TBC1D9: variants seen among roughly 807,000 people sequenced by gnomAD.
The protein encoded by TBC1D9 is TBC1 domain family member 9.
Under a neutral mutation model 132.0 loss-of-function variants are expected in TBC1D9, and 63 were observed. The ratio of observed to expected loss-of-function variants is 0.48; its 90% CI spans 0.39 to 0.59. The LOEUF is 0.59. Ranked by LOEUF, TBC1D9 falls within the 20% of genes least tolerant of loss-of-function variation. TBC1D9 has a pLI of 0.00. For missense variants in TBC1D9, 1,261 were observed against 1,592.7 expected (o/e 0.79, Z 3.54); for synonymous variants, 610 against 609.9 (o/e 1.00, Z 0.00).
rs772908607 is a variant in TBC1D9, at chr4:140,657,721, G to A, written c.2013C>T (p.Ser671=). Reference sequence around the variant, plus strand: ...TGAGGAACCAAGACAGGGAGATGGTGGAAATCACGCCCAGGTCTTGCATGC... The same window carrying A: ...TGAGGAACCAAGACAGGGAGATGGTAGAAATCACGCCCAGGTCTTGCATGC... The part of the protein sequence containing the change: ...YDCMQDLGVI[S]TISLSWFLTL... Residue 671 remains serine (S), a synonymous_variant, in exon 12 of 21, where the codon TCC becomes TCT. Coordinates refer to ENST00000442267, the MANE Select transcript of TBC1D9 (RefSeq NM_015130.3). 1.2e-5 allele frequency: 19 copies of A among 1,614,020 alleles called. No individual in the cohort carries two copies. Among genetic ancestry groups the A allele is most frequent in the South Asian group, 2.2e-5 (2 of 91,078 alleles).
intron 18 of TBC1D9, 36 bp downstream of exon 18, chr4:140,627,405 A>G: frequency 7.3e-7 from 1 of 1,363,446 alleles, no homozygotes. Flanking sequence ...TCGGTAGAAA[A>G]CAAATATAGT....
chr4:140,631,085 CT>C (rs577474821), intron 16 of TBC1D9, among the ~76,000 whole-genome samples: 64 of 152,208 alleles, frequency 4.2e-4, no homozygotes, highest in Non-Finnish European at 8.1e-4. Context: ...ATACTTTCAC[CT>C]TTTCCATTGG....
chr4:140,637,242 C>T (rs550349510), intron 15 of TBC1D9, among the ~76,000 whole-genome samples: 15 of 151,980 alleles, frequency 9.9e-5, no homozygotes, highest in East Asian at 1.9e-4. Flanking sequence ...CCCAGCTACT[C>T]GGGAGCCTGA....
chr4:140,727,203 T>C (rs2111063730), intron 1 of TBC1D9, among the ~76,000 whole-genome samples: 1 of 152,346 alleles, frequency 6.6e-6, no homozygotes, highest in African/African-American at 2.4e-5. Context: ...AGTTACCATC[T>C]AATTATCTGT....
chr4:140,671,732 T>C (rs1021979248), intron 6 of TBC1D9, among the ~76,000 whole-genome samples: 11 of 136,848 alleles, frequency 8.0e-5, no homozygotes, highest in South Asian at 2.3e-4. Context: ...GCCTACCACA[T>C]TGGGGAAATT....
chr4:140,747,350 A>G (rs77999352), intron 1 of TBC1D9, among the ~76,000 whole-genome samples: 4 of 72,850 alleles, frequency 5.5e-5, no homozygotes, highest in African/African-American at 1.9e-4. Context: ...AGACTCTGTC[A>G]AAAAAAAAAA....
chr4:140,697,090 T>C (rs938074625), intron 2 of TBC1D9, among the ~76,000 whole-genome samples: 1 of 152,104 alleles, frequency 6.6e-6, no homozygotes, highest in African/African-American at 2.4e-5. Context: ...GAACAATTAA[T>C]AGGTGGCCTG....
intron 5 of TBC1D9, among the ~76,000 whole-genome samples, chr4:140,678,018 T>TAA (rs11439124): frequency 2.3e-4 from 34 of 149,196 alleles, no homozygotes; most frequent in South Asian, 4.2e-4. Flanking sequence ...TTTTTCATTC[T>TAA]AAAAAAAAAA....
At chr4:140,710,327 G>A (rs1738223659) in intron 1 of TBC1D9, among the ~76,000 whole-genome samples, 1 of 152,054 alleles carries the variant, frequency 6.6e-6, no homozygotes, top group Non-Finnish European at 1.5e-5. Flanking sequence ...AGAGGGGAGT[G>A]AGCTAAAGGG....
At chr4:140,627,772 A>G (rs1168850525) in intron 17 of TBC1D9, among the ~76,000 whole-genome samples, 1 of 152,140 alleles carries the variant, frequency 6.6e-6, no homozygotes, top group Non-Finnish European at 1.5e-5. Context: ...TGTTATGAAG[A>G]ATTTTCCAAG....
In TBC1D9 at chr4:140,679,071, G is replaced by A; in HGVS notation, c.722C>T (p.Thr241Ile). 2 of 1,613,946 alleles carry A rather than the reference G, an allele frequency of 1.2e-6. No individual in the cohort carries two copies. Among genetic ancestry groups the A allele is most frequent in the Non-Finnish European group, 1.7e-6 (2 of 1,179,856 alleles). Reference sequence around the variant, plus strand: ...GGCAAGCTGCTCCATTAACTTGAAGGTCTCGTTGATGTTGAGGAATACAGA... The same window carrying A: ...GGCAAGCTGCTCCATTAACTTGAAGATCTCGTTGATGTTGAGGAATACAGA... ...FFSVFLNINE[T>I]FKLMEQLANI... The change falls in exon 5 of 21, where the codon ACC becomes ATC. Residue 241 changes from threonine (T) to isoleucine (I), a missense_variant. Transcript: ENST00000442267.
chr4:140,648,259 A>G (rs1367366416), intron 13 of TBC1D9, among the ~76,000 whole-genome samples: 1 of 151,996 alleles, frequency 6.6e-6, no homozygotes. Flanking sequence ...ATCCAACTCA[A>G]CTATTTTAAA....
At chr4:140,632,354 G>A (rs572294673) in intron 16 of TBC1D9, among the ~76,000 whole-genome samples, 1 of 151,618 alleles carries the variant, frequency 6.6e-6, no homozygotes, top group African/African-American at 2.4e-5. Context: ...GCGTCAAAGG[G>A]GTCTTTAGTG....
At chr4:140,742,528 T>C (rs1262051000) in intron 1 of TBC1D9, among the ~76,000 whole-genome samples, 4 of 66,612 alleles carry the variant, frequency 6.0e-5, no homozygotes, top group African/African-American at 2.4e-4. Context: ...TGAGACTCTG[T>C]CTCAAAAAAA....
At chr4:140,631,413 G>A (rs750428801) in intron 16 of TBC1D9, among the ~76,000 whole-genome samples, 3 of 151,910 alleles carry the variant, frequency 2.0e-5, no homozygotes, top group East Asian at 2.0e-4. Context: ...TAGTAGAGAC[G>A]GGTTTCACCG....
chr4:140,625,287 T>C (rs1415988284), intron 18 of TBC1D9, among the ~76,000 whole-genome samples: 1 of 152,174 alleles, frequency 6.6e-6, no homozygotes, highest in Non-Finnish European at 1.5e-5. Context: ...TGCTAAAATG[T>C]TACATGCTAT....
chr4:140,679,646 A>G lies in TBC1D9; in HGVS notation c.558T>C (p.Leu186=). The G allele has an allele frequency of 6.2e-7, 1 of 1,613,786 alleles. No individual in the cohort carries two copies. The highest frequency in any genetic ancestry group is 2.2e-5 in the East Asian group (1 of 44,874). ...TTCCCATAAGAAAAGAATAAAAGCAAAGGTGGTTAATGCTGAGGTACATCC... is the reference window on the plus strand; with the variant it reads ...TTCCCATAAGAAAAGAATAAAAGCAGAGGTGGTTAATGCTGAGGTACATCC... ...QGWMYLSINH[L]CFYSFLMGRE... The change falls in exon 4 of 21, where the codon CTT becomes CTC. Residue 186 remains leucine (L), a synonymous_variant. Transcript: ENST00000442267.
intron 4 of TBC1D9, 70 bp from the exon 5 acceptor site, chr4:140,679,273 C>T (rs1291850173): frequency 4.0e-6 from 6 of 1,504,314 alleles, no homozygotes; most frequent in Non-Finnish European, 5.4e-6. Context: ...TGCAGTCTCA[C>T]AACCCCACTC....
In TBC1D9 at chr4:140,622,699, T is replaced by G; in HGVS notation, c.3297A>C (p.Lys1099Asn). 1 of 1,611,772 alleles carries G rather than the reference T, an allele frequency of 6.2e-7. No homozygotes were observed. The highest frequency in any genetic ancestry group is 8.5e-7 in the Non-Finnish European group (1 of 1,179,430). Residue 1099 changes from lysine to asparagine, a missense_variant, in exon 21 of 21, where the codon AAA becomes AAC. Lys to Asn is a moderately conservative substitution (Grantham distance 94). This residue lies in a region of TBC1D9 where 618 missense variants were observed against 724.4 expected (regional missense o/e 0.85). Coordinates refer to ENST00000442267, the MANE Select transcript of TBC1D9 (RefSeq NM_015130.3). ...CCACCACGTAAGGCTGGCCTGGCCC[T>G]TTCTTGGGGAAGAGCACGCCTGGGA... ...QGIPGVLFPK[K>N]GPGQPYVVES... is the part of the protein sequence containing the mutation.
Sources: gnomAD v4.1 joint callset for allele counts (sites outside exome capture counted in the v4.1 genomes callset) on GRCh38, gnomAD v4.1.1 for gene constraint, gnomAD v4.1.1 regional missense constraint, MANE v1.5 for transcripts, NCBI Gene and HGNC (gene_info 2026-07-23, HGNC 2026-07-21) for gene names.